Variants in KREMEN1 observed in about 807,000 individuals in gnomAD.
KREMEN1 encodes the protein kringle containing transmembrane protein 1, also known as kremen protein 1.
KREMEN1 carries 30 observed loss-of-function variants against 46.5 expected under a neutral mutation model. The observed-to-expected ratio is 0.65, with a 90% CI of 0.48 to 0.88. The LOEUF is 0.88. KREMEN1 is among the 40% of genes least tolerant of loss of function. KREMEN1 has a pLI of 0.00. For synonymous variants in KREMEN1, 214 were observed against 230.6 expected (o/e 0.93, Z 0.65); for missense variants, 533 against 596.9 (o/e 0.89, Z 1.11).
chr22:29,151,797 G>A (rs1460034332), downstream of KREMEN1, among the ~76,000 whole-genome samples: 1 of 152,050 alleles, frequency 6.6e-6, no homozygotes, highest in African/African-American at 2.4e-5. Context: ...ATCACTTGAG[G>A]TCAGGAGTTT....
intron 9 of KREMEN1, among the ~76,000 whole-genome samples, chr22:29,166,774 C>CA (rs1243235218): frequency 1.2e-4 from 18 of 150,790 alleles, no homozygotes; most frequent in South Asian, 4.2e-4. Context: ...CCCCATCTTT[C>CA]AAAAAAAAAT....
chr22:29,103,212 G>T (rs1284377684), intron 3 of KREMEN1, among the ~76,000 whole-genome samples: 1 of 152,134 alleles, frequency 6.6e-6, no homozygotes, highest in Admixed American at 6.5e-5. Flanking sequence ...TTGTCATACA[G>T]AAAAAGTCCT....
At chr22:29,111,342 G>A (rs978283649) in intron 3 of KREMEN1, among the ~76,000 whole-genome samples, 7 of 151,154 alleles carry the variant, frequency 4.6e-5, no homozygotes, top group Non-Finnish European at 1.0e-4. Flanking sequence ...GCCGGGTGCG[G>A]TGGCTCACGC....
In KREMEN1 at chr22:29,144,967, G is replaced by C; in HGVS notation, c.*2855G>C. The C allele has an allele frequency of 2.0e-6, 2 of 985,534 alleles. No homozygotes were observed. Among genetic ancestry groups the C allele is most frequent in the Non-Finnish European group, 2.4e-6 (2 of 830,018 alleles). 61.0% of individuals were successfully genotyped at this position (985,534 alleles called of 1,614,324 possible). On this transcript the variant is annotated 3_prime_UTR_variant, in exon 9 of 9. Coordinates refer to ENST00000400335, the MANE Select transcript of KREMEN1 (RefSeq NM_001039570.3). ...CCCAGCGCCTCTAGGATCAACTTAC[G>C]ATCCGTGGAGCAGCCCCGGGAAACC...
chr22:29,112,765 T>G (rs895497805), intron 3 of KREMEN1, among the ~76,000 whole-genome samples: 2 of 152,214 alleles, frequency 1.3e-5, no homozygotes, highest in Non-Finnish European at 2.9e-5. Context: ...AAAGTAAGCT[T>G]GAAATGAAAA....
intron 8 of KREMEN1, among the ~76,000 whole-genome samples, chr22:29,140,957 C>T (rs1428821593): frequency 6.6e-6 from 1 of 152,136 alleles, no homozygotes; most frequent in Non-Finnish European, 1.5e-5. Flanking sequence ...GAGGGGAGCT[C>T]GTTCTAATTT....
At chr22:29,123,700 C>T (rs1303472990) in intron 4 of KREMEN1, among the ~76,000 whole-genome samples, 2 of 152,118 alleles carry the variant, frequency 1.3e-5, no homozygotes, top group Non-Finnish European at 2.9e-5. Context: ...TGAGACAGGA[C>T]AATTGCTTGC....
chr22:29,095,911 G>A (rs2037877093), intron 2 of KREMEN1, among the ~76,000 whole-genome samples: 1 of 151,504 alleles, frequency 6.6e-6, no homozygotes, highest in Admixed American at 6.6e-5. Context: ...AAATATATGT[G>A]GTTTAAATAG....
Position 29,097,246 on chromosome 22 carries a change from G to A in KREMEN1, c.261-1616G>A, listed in dbSNP as rs112183782. On this transcript the variant is annotated intron_variant, in intron 2 of 8. Coordinates refer to ENST00000400335, the MANE Select transcript of KREMEN1 (RefSeq NM_001039570.3). The stretch of plus-strand genomic sequence containing the variant: ...TCTAAATAAAAGGGGCTTGGAAAGC[G>A]GTGAAGAGAGGCGAGCCTTTTCTGT... Among the ~76,000 whole-genome samples, 1,396 of 152,332 alleles carry A rather than the reference G, an allele frequency of 9.2e-3. 33 individuals carry two copies. Among genetic ancestry groups the A allele is most frequent in the East Asian group, 0.065 (335 of 5,186 alleles).
intron 1 of KREMEN1, among the ~76,000 whole-genome samples, chr22:29,074,499 T>C (rs2037535075): frequency 6.6e-6 from 1 of 152,230 alleles, no homozygotes; most frequent in African/African-American, 2.4e-5. Context: ...ACACGCAACC[T>C]TGTAGCCGAA....
intron 7 of KREMEN1, 185 bp downstream of exon 7, chr22:29,138,967 A>G (rs568256692): frequency 4.7e-5 from 39 of 831,344 alleles, no homozygotes; most frequent in Non-Finnish European, 6.8e-5. Flanking sequence ...TTGGTTCCTT[A>G]GTCCTGAGGG....
chr22:29,100,712 C>T (rs915155576), intron 3 of KREMEN1, among the ~76,000 whole-genome samples: 1 of 152,118 alleles, frequency 6.6e-6, no homozygotes, highest in Non-Finnish European at 1.5e-5. Flanking sequence ...AGTGAAACAG[C>T]CTCAGGCAGC....
downstream of KREMEN1, among the ~76,000 whole-genome samples, chr22:29,150,805 C>A (rs1382839166): frequency 6.6e-6 from 1 of 152,142 alleles, no homozygotes; most frequent in African/African-American, 2.4e-5. Context: ...GTACTGTGTA[C>A]CAGACGCTGT....
rs16987067 is a variant in KREMEN1 at position 29,098,997 on chromosome 22, C to T, written c.352+44C>T. 4,913 of 1,428,752 alleles carry T rather than the reference C, an allele frequency of 3.4e-3. 142 individuals are homozygous for T. The African/African-American group carries it at 0.061, about 18-fold the overall frequency. 88.5% of individuals were successfully genotyped at this position (1,428,752 alleles called of 1,614,324 possible). A position where few individuals can be genotyped will look rare whatever the true frequency, so the allele number is the denominator to read the frequency against. ...ATGTGATGGTTTACAGGACTGTGAACACTAAGAGTGCGTAGAGGGAGGCCC... is the reference window on the plus strand; with the variant it reads ...ATGTGATGGTTTACAGGACTGTGAATACTAAGAGTGCGTAGAGGGAGGCCC... On this transcript the variant is annotated intron_variant, in intron 3 of 8. Transcript: ENST00000400335.
At chr22:29,150,808 G>A (rs536679956), downstream of KREMEN1, among the ~76,000 whole-genome samples, 10 of 152,330 alleles carry the variant, frequency 6.6e-5, no homozygotes, top group African/African-American at 1.9e-4. Context: ...CTGTGTACCA[G>A]ACGCTGTGCC....
chr22:29,150,720 C>T (rs1376614201), downstream of KREMEN1, among the ~76,000 whole-genome samples: 6 of 152,320 alleles, frequency 3.9e-5, no homozygotes, highest in East Asian at 1.2e-3. Flanking sequence ...TTTCCTGGGT[C>T]TGAGTGAGCT....
At chr22:29,120,443 T>TGGAAACAGGGAGGAAGGAGAGGTGATAAA (rs2038328981) in intron 3 of KREMEN1, among the ~76,000 whole-genome samples, 1 of 46,762 alleles carries the variant, frequency 2.1e-5, no homozygotes, top group Non-Finnish European at 3.8e-5. Flanking sequence ...GAGGTGATGA[T>TGGAAACAGGGAGGAAGGAGAGGTGATAAA]GGAAACAGGG....
intron 1 of KREMEN1, among the ~76,000 whole-genome samples, chr22:29,083,598 G>A (rs1161080226): frequency 1.3e-5 from 2 of 152,226 alleles, no homozygotes; most frequent in Non-Finnish European, 2.9e-5. Flanking sequence ...TTGGGAGGCT[G>A]AGGCCGGCGG....
At chr22:29,100,414 G>A (rs6519772) in intron 3 of KREMEN1, among the ~76,000 whole-genome samples, 13,374 of 152,030 alleles carry the variant, frequency 0.088, 812 homozygotes, top group African/African-American at 0.16. Flanking sequence ...CTTTATATAT[G>A]TATATAAAGA....
Sources: allele counts gnomAD v4.1 joint callset (sites outside exome capture counted in the v4.1 genomes callset), GRCh38; gene constraint gnomAD v4.1.1; transcripts MANE v1.5; gene names NCBI Gene and HGNC (gene_info 2026-07-23, HGNC 2026-07-21).